ARHGAP26: variants seen among roughly 807,000 people sequenced by gnomAD.
ARHGAP26 encodes rho GTPase-activating protein 26.
A neutral mutation model predicts 104.8 loss-of-function variants in ARHGAP26; 38 were observed. The observed-to-expected ratio is 0.36, with a 90% CI of 0.28 to 0.48. ARHGAP26 has a LOEUF of 0.48. Ranked by LOEUF, ARHGAP26 falls within the 20% of genes least tolerant of loss-of-function variation. The pLI is 0.99. For synonymous variants in ARHGAP26, 341 were observed against 340.0 expected (o/e 1.00, Z -0.03); for missense variants, 704 against 947.9 (o/e 0.74, Z 3.38).
At chr5:143,114,068 G>A (rs939187999) in intron 17 of ARHGAP26, among the ~76,000 whole-genome samples, 1 of 152,192 alleles carries the variant, frequency 6.6e-6, no homozygotes, top group Non-Finnish European at 1.5e-5. Context: ...GTACCTGCCT[G>A]CCTCAAAGGG....
intron 17 of ARHGAP26, among the ~76,000 whole-genome samples, chr5:143,113,132 G>A (rs947101286): frequency 9.2e-5 from 14 of 152,304 alleles, no homozygotes; most frequent in South Asian, 4.1e-4. Context: ...AAGATGAGTG[G>A]AAATAGAGCT....
intron 20 of ARHGAP26, among the ~76,000 whole-genome samples, chr5:143,151,829 G>A (rs1215570643): frequency 7.9e-5 from 12 of 152,124 alleles, no homozygotes; most frequent in Admixed American, 7.9e-4. Flanking sequence ...ATGATGGTGT[G>A]AGCCTGTAGT....
At chr5:142,794,760 G>C (rs181499980) in intron 1 of ARHGAP26, among the ~76,000 whole-genome samples, 1 of 152,262 alleles carries the variant, frequency 6.6e-6, no homozygotes, top group Non-Finnish European at 1.5e-5. Context: ...TGATGTATGA[G>C]AACTATTAAG....
In ARHGAP26 at chr5:142,924,528, A is replaced by G. The variant is rs145641233; in HGVS notation, c.1029-7519A>G. The stretch of plus-strand genomic sequence containing the variant: ...GAAGAATGAATGATAATACAAGTAA[A>G]GTCCTTAGCACAGTGGTTAGCACAT... On this transcript the variant is annotated intron_variant, in intron 10 of 22. Transcript: ENST00000645722. Among the ~76,000 whole-genome samples, 6 of 152,348 alleles carry G rather than the reference A, an allele frequency of 3.9e-5. No individual in the cohort carries two copies. In the East Asian group the frequency reaches 9.6e-4, roughly 24 times the overall value.
chr5:143,030,587 C>T (rs1241570635), intron 12 of ARHGAP26, among the ~76,000 whole-genome samples: 1 of 150,476 alleles, frequency 6.6e-6, no homozygotes, highest in Non-Finnish European at 1.5e-5. Context: ...CTTTATTTAA[C>T]CTTTATATCA....
chr5:142,941,654 T>G (rs1298359289), intron 11 of ARHGAP26, among the ~76,000 whole-genome samples: 1 of 152,238 alleles, frequency 6.6e-6, no homozygotes, highest in African/African-American at 2.4e-5. Flanking sequence ...TTACATTTAA[T>G]AATATTCACT....
chr5:143,135,057 A>T (rs577447924), intron 19 of ARHGAP26, among the ~76,000 whole-genome samples: 1 of 152,362 alleles, frequency 6.6e-6, no homozygotes, highest in South Asian at 2.1e-4. Flanking sequence ...AAACTGAGTA[A>T]GGAAGGTAGA....
chr5:143,204,690 T>G (rs918445845), intron 20 of ARHGAP26, among the ~76,000 whole-genome samples: 1 of 152,178 alleles, frequency 6.6e-6, no homozygotes, highest in Non-Finnish European at 1.5e-5. Flanking sequence ...TGAAAAACAT[T>G]TAGAACCCAC....
chr5:142,886,964 C>G (rs1757796664), intron 5 of ARHGAP26, among the ~76,000 whole-genome samples: 1 of 152,220 alleles, frequency 6.6e-6, no homozygotes, highest in African/African-American at 2.4e-5. Flanking sequence ...GTCTGCCCAG[C>G]TCTCCAGTTT....
chr5:142,807,324 T>C (rs1435802392), intron 1 of ARHGAP26, among the ~76,000 whole-genome samples: 1 of 152,164 alleles, frequency 6.6e-6, no homozygotes, highest in Non-Finnish European at 1.5e-5. Context: ...GAATGAGAGA[T>C]GTAGAGCCCA....
intron 20 of ARHGAP26, among the ~76,000 whole-genome samples, chr5:143,158,140 A>T (rs1485774329): frequency 6.6e-6 from 1 of 152,122 alleles, no homozygotes; most frequent in Non-Finnish European, 1.5e-5. Flanking sequence ...CTACCAATGA[A>T]CAAACCCCTA....
In ARHGAP26 at chr5:142,838,250, T is replaced by A. The variant is rs151298456; in HGVS notation, c.155-35150T>A. 3.2e-4 allele frequency among the ~76,000 whole-genome samples: 49 copies of A among 151,060 alleles called. 1 individual carries two copies. The East Asian group carries it at 8.9e-3, about 27-fold the overall frequency. ...TCCAGCCTGGGCAAGAGAGTGAGAC[T>A]CCATCTAAAAGAAAAAAAAAAAAAG... On this transcript the variant is annotated intron_variant, in intron 1 of 22. Coordinates refer to ENST00000645722, the MANE Select transcript of ARHGAP26 (RefSeq NM_001135608.3).
intron 4 of ARHGAP26, among the ~76,000 whole-genome samples, chr5:142,880,128 T>C (rs899578706): frequency 6.6e-6 from 1 of 152,242 alleles, no homozygotes; most frequent in Non-Finnish European, 1.5e-5. Context: ...GACTGTAGCC[T>C]AAGCTTGACT....
chr5:143,015,367 G>C (rs970329112), intron 12 of ARHGAP26, among the ~76,000 whole-genome samples: 2 of 152,216 alleles, frequency 1.3e-5, no homozygotes, highest in Non-Finnish European at 2.9e-5. Context: ...GAGCTGAAAA[G>C]CTAGGCTTGA....
At chr5:143,148,268 C>T (rs981503762) in intron 20 of ARHGAP26, among the ~76,000 whole-genome samples, 7 of 152,300 alleles carry the variant, frequency 4.6e-5, no homozygotes, top group African/African-American at 7.2e-5. Flanking sequence ...GCTAGCATGG[C>T]GGTGAGATGC....
intron 1 of ARHGAP26, among the ~76,000 whole-genome samples, chr5:142,793,920 G>A (rs553372761): frequency 1.3e-3 from 196 of 152,182 alleles, no homozygotes; most frequent in Non-Finnish European, 2.4e-3. Flanking sequence ...TTGTAGAGGC[G>A]GTGCTTTCTT....
chr5:142,984,063 C>T (rs1774330796), intron 11 of ARHGAP26, among the ~76,000 whole-genome samples: 1 of 152,172 alleles, frequency 6.6e-6, no homozygotes, highest in African/African-American at 2.4e-5. Flanking sequence ...TGTCTTTTTA[C>T]TCCTCCTTAG....
intron 11 of ARHGAP26, among the ~76,000 whole-genome samples, chr5:142,991,713 T>C (rs1468924158): frequency 6.6e-6 from 1 of 152,234 alleles, no homozygotes; most frequent in Non-Finnish European, 1.5e-5. Flanking sequence ...TAACATGCTG[T>C]ATAGGTTTAT....
intron 1 of ARHGAP26, among the ~76,000 whole-genome samples, chr5:142,825,101 C>T (rs1428145969): frequency 6.6e-6 from 1 of 152,202 alleles, no homozygotes; most frequent in Admixed American, 6.5e-5. Flanking sequence ...GTAGAGGCAG[C>T]TGTGGAGCAT....
Sources: allele counts gnomAD v4.1 joint callset (sites outside exome capture counted in the v4.1 genomes callset), GRCh38; gene constraint gnomAD v4.1.1; transcripts MANE v1.5; gene names NCBI Gene and HGNC (gene_info 2026-07-23, HGNC 2026-07-21).